PPM1G: variants seen among roughly 807,000 people sequenced by gnomAD.
The protein encoded by PPM1G is protein phosphatase, Mg2+/Mn2+ dependent 1G.
Under a neutral mutation model 59.4 loss-of-function variants are expected in PPM1G, and 12 were observed. The observed-to-expected ratio is 0.20, with a 90% CI of 0.13 to 0.33. The LOEUF is 0.33. Among genes scored for constraint, PPM1G ranks in the 10% least tolerant of loss-of-function variants. The pLI is 1.00. For missense variants in PPM1G, 392 were observed against 681.3 expected, an observed-to-expected ratio of 0.58 and a Z score of 4.73; for synonymous variants, 245 against 251.9, an observed-to-expected ratio of 0.97 and a Z score of 0.26.
chr2:27,393,676 C>G (rs1055059364), intron 1 of PPM1G, among the ~76,000 whole-genome samples: 3 of 152,172 alleles, frequency 2.0e-5, no homozygotes, highest in African/African-American at 7.2e-5. Context: ...CCTCCATCTC[C>G]CGGGTTCAAG....
At chr2:27,407,117 C>T (rs1663391743) in intron 1 of PPM1G, among the ~76,000 whole-genome samples, 1 of 151,954 alleles carries the variant, frequency 6.6e-6, no homozygotes, top group South Asian at 2.1e-4. Context: ...AGGCACGCAC[C>T]ACCACATTCA....
At chr2:27,397,115 C>G (rs1018090491) in intron 1 of PPM1G, among the ~76,000 whole-genome samples, 1 of 152,042 alleles carries the variant, frequency 6.6e-6, no homozygotes, top group Admixed American at 6.6e-5. Flanking sequence ...GTGATTCACC[C>G]GTCTTGGCCC....
chr2:27,405,143 G>A (rs1232766212), intron 1 of PPM1G, among the ~76,000 whole-genome samples: 1 of 146,148 alleles, frequency 6.8e-6, no homozygotes, highest in East Asian at 2.1e-4. Flanking sequence ...GTGCGATCTC[G>A]GCTCACTGCA....
At chr2:27,396,787 G>A (rs1375944817) in intron 1 of PPM1G, among the ~76,000 whole-genome samples, 3 of 140,944 alleles carry the variant, frequency 2.1e-5, no homozygotes, top group African/African-American at 8.4e-5. Flanking sequence ...TTGCACTCCA[G>A]CATAGGTGAC....
rs1683743646 is a variant in PPM1G, at chr2:27,385,648, G to A, written c.409+99C>T. 6 of 1,472,212 alleles carry A rather than the reference G, an allele frequency of 4.1e-6. No homozygotes were observed. The highest frequency in any genetic ancestry group is 4.6e-6 in the Non-Finnish European group (5 of 1,097,412). The allele number at this position is 1,472,212 out of a possible 1,614,324, so 91.2% of individuals were successfully genotyped here. A position where few individuals can be genotyped will look rare whatever the true frequency, so the allele number is the denominator to read the frequency against. On this transcript the variant is annotated intron_variant, in intron 4 of 9. Transcript: ENST00000344034. This position sits in a 1 kb window ranked among gnomAD's most constrained non-coding sequence, Gnocchi z 4.1. ...GTTTCTTTAACATAAGGACTCCCCA[G>A]GTCCCTAGAAAGCCATCCTATCTTA...
rs1683629488 is a variant in PPM1G, at chr2:27,381,547, A to G, written c.*52T>C. The G allele has an allele frequency of 1.9e-6, 3 of 1,599,378 alleles. No homozygotes were observed. The Admixed American group carries it at 5.0e-5, about 27-fold the overall frequency. On this transcript the variant is annotated 3_prime_UTR_variant, in exon 10 of 10. Transcript: ENST00000344034. ...AAGGAAAAAGACAAAACTCAGTCTC[A>G]GGTCCGGAGGGCTCAGAAAACAGTC...
rs184379948 is a variant in PPM1G at position 27,398,440 on chromosome 2, G to A, written c.120+10863C>T. On this transcript the variant is annotated intron_variant, in intron 1 of 9. Transcript: ENST00000344034. ...GAAAATTCTCGTGACTTTGGGTTAG[G>A]CAAAGCTTCTTAACAAAAACAAACA... is the stretch of plus-strand genomic sequence containing the variant. Among the ~76,000 whole-genome samples, 1,027 of 151,404 alleles carry A rather than the reference G, an allele frequency of 6.8e-3. 9 individuals are homozygous for A. Among genetic ancestry groups the A allele is most frequent in the South Asian group, 0.016 (76 of 4,794 alleles).
At position 27,409,405 on chromosome 2, in the gene PPM1G, G is replaced by A. The variant is rs1663461020; in HGVS notation, c.18C>T (p.Ser6=). 6.5e-7 allele frequency: 1 copy of A among 1,531,684 alleles called. No individual in the cohort carries two copies. The highest frequency in any genetic ancestry group is 8.8e-7 in the Non-Finnish European group (1 of 1,139,074). 94.9% of individuals were successfully genotyped at this position (1,531,684 alleles called of 1,614,324 possible). ...CGGAGCACTTCACCGTGTTGGGCTG[G>A]GAGAGGTAGGCACCCATGGCGGCGG... is the stretch of plus-strand genomic sequence containing the variant. MGAYL[S]QPNTVKCSGD... Residue 6 remains serine, a synonymous_variant, in exon 1 of 10, where the codon TCC becomes TCT. Coordinates refer to ENST00000344034, the MANE Select transcript of PPM1G (RefSeq NM_177983.3).
At position 27,382,013 on chromosome 2, in the gene PPM1G, C is replaced by A; in HGVS notation, c.1434+113G>T. 3.5e-6 allele frequency: 4 copies of A among 1,142,890 alleles called. No individual in the cohort carries two copies. The highest frequency in any genetic ancestry group is 5.2e-6 in the Non-Finnish European group (4 of 776,126). 70.8% of individuals were successfully genotyped at this position (1,142,890 alleles called of 1,614,324 possible). ...GTGGAACTTTGGAGTCGGGGTTTAG[C>A]GTCTGTCAGCAATTACTGATAATGC... On this transcript the variant is annotated intron_variant, in intron 9 of 9. Transcript: ENST00000344034. The surrounding 1 kb of genome is among the most constrained non-coding windows in gnomAD (Gnocchi z 4.2).
chr2:27,406,672 G>GAAGCAGCAA (rs1159705306), intron 1 of PPM1G, among the ~76,000 whole-genome samples: 1 of 152,120 alleles, frequency 6.6e-6, no homozygotes, highest in African/African-American at 2.4e-5. Flanking sequence ...GCCCTACAGA[G>GAAGCAGCAA]AAGCAGCAAA....
intron 1 of PPM1G, among the ~76,000 whole-genome samples, chr2:27,406,872 G>A (rs143584702): frequency 3.9e-5 from 6 of 151,958 alleles, no homozygotes; most frequent in Non-Finnish European, 5.9e-5. Flanking sequence ...ATCTCACAAC[G>A]TTAACAGAAA....
chr2:27,392,950 TG>T, intron 1 of PPM1G: 1 of 1,493,298 alleles, frequency 6.7e-7, no homozygotes, highest in Non-Finnish European at 9.2e-7. Context: ...GTCACACAAA[TG>T]GGGGTCATTT....
rs561935966 is a variant in PPM1G at position 27,397,206 on chromosome 2, T to A, written c.121-10048A>T. On this transcript the variant is annotated intron_variant, in intron 1 of 9. Coordinates refer to ENST00000344034, the MANE Select transcript of PPM1G (RefSeq NM_177983.3). Reference sequence around the variant, plus strand: ...TTTAAAGAAAAAAAAAGCCAAAAACTTCCCACAAAGAAGAGCCCAGGCTCA... The same window carrying A: ...TTTAAAGAAAAAAAAAGCCAAAAACATCCCACAAAGAAGAGCCCAGGCTCA... Among the ~76,000 whole-genome samples the A allele has an allele frequency of 2.6e-5, 4 of 152,122 alleles. No homozygotes were observed. In the East Asian group the frequency reaches 7.7e-4, roughly 29 times the overall value.
At chr2:27,389,662 G>C (rs573763279) in intron 1 of PPM1G, among the ~76,000 whole-genome samples, 7 of 152,108 alleles carry the variant, frequency 4.6e-5, no homozygotes, top group Non-Finnish European at 1.0e-4. Context: ...AAGTTTGCTA[G>C]TCATAAAATG....
rs1317837715 is a variant in PPM1G at position 27,393,347 on chromosome 2, C to G, written c.121-6189G>C. The G allele has an allele frequency of 2.5e-6, 4 of 1,595,216 alleles. No homozygotes were observed. In the Admixed American group the frequency reaches 6.7e-5, roughly 27 times the overall value. On this transcript the variant is annotated intron_variant, in intron 1 of 9. Coordinates refer to ENST00000344034, the MANE Select transcript of PPM1G (RefSeq NM_177983.3). ...CTTGGTGGTAGTTCTGGCGCACCTG[C>G]GAGGTAGACGCGGTCGTCATGCCGG...
At chr2:27,394,284 A>G (rs1683991238) in intron 1 of PPM1G, among the ~76,000 whole-genome samples, 1 of 152,192 alleles carries the variant, frequency 6.6e-6, no homozygotes, top group Non-Finnish European at 1.5e-5. Context: ...ATCTTACCAT[A>G]TGCTTTCATC....
chr2:27,404,923 A>G (rs933497924), intron 1 of PPM1G, among the ~76,000 whole-genome samples: 1 of 149,900 alleles, frequency 6.7e-6, no homozygotes, highest in Non-Finnish European at 1.5e-5. Context: ...CAGCCTGGGC[A>G]ACAGTGCAAG....
intron 1 of PPM1G, among the ~76,000 whole-genome samples, chr2:27,390,056 T>C (rs1683862026): frequency 6.6e-6 from 1 of 151,832 alleles, no homozygotes. Context: ...AGATGGAGTC[T>C]CCCAGGCTGG....
In PPM1G at chr2:27,409,571, C is replaced by T; in HGVS notation, c.-149G>A. 1 of 1,041,678 alleles carries T rather than the reference C, an allele frequency of 9.6e-7. No individual in the cohort carries two copies. The highest frequency in any genetic ancestry group is 1.3e-6 in the Non-Finnish European group (1 of 792,304). 64.5% of individuals were successfully genotyped at this position (1,041,678 alleles called of 1,614,324 possible). ...GAAAGGCGCGAGGCCGGCCAGGAGGCGGTAACGGGACGGGAGCTGTGAGGG... is the reference window on the plus strand; with the variant it reads ...GAAAGGCGCGAGGCCGGCCAGGAGGTGGTAACGGGACGGGAGCTGTGAGGG... On this transcript the variant is annotated 5_prime_UTR_variant, in exon 1 of 10. Coordinates refer to ENST00000344034, the MANE Select transcript of PPM1G (RefSeq NM_177983.3).
Sources: allele counts gnomAD v4.1 joint callset (sites outside exome capture counted in the v4.1 genomes callset), GRCh38; gene constraint gnomAD v4.1.1; non-coding constraint Gnocchi (gnomAD v3.1); transcripts MANE v1.5; gene names NCBI Gene and HGNC (gene_info 2026-07-23, HGNC 2026-07-21).